The following ADAMTSL2 variants were observed in gnomAD, a reference collection of about 807,000 sequenced individuals.
The protein encoded by ADAMTSL2 is ADAMTS-like protein 2.
A neutral mutation model predicts 117.0 loss-of-function variants in ADAMTSL2; 55 were observed. That is an observed-to-expected ratio of 0.47 (90% CI 0.38 to 0.59). The LOEUF (loss-of-function observed/expected upper bound fraction) is 0.59, where lower values mean the gene tolerates loss of function less well. ADAMTSL2 is among the 20% of genes least tolerant of loss of function. The pLI is 0.00. For missense variants in ADAMTSL2, 1,182 were observed against 1,354.5 expected, an observed-to-expected ratio of 0.87 and a Z score of 2.00; for synonymous variants, 572 against 566.4, an observed-to-expected ratio of 1.01 and a Z score of -0.14.
At chr9:133,539,204 G>A (rs978527607) in intron 4 of ADAMTSL2, among the ~76,000 whole-genome samples, 2 of 152,192 alleles carry the variant, frequency 1.3e-5, no homozygotes, top group Non-Finnish European at 2.9e-5. Context: ...CCAGGGTTGG[G>A]GGAGGGGCAT....
At chr9:133,573,507 C>G (rs1831158120) in intron 17 of ADAMTSL2, among the ~76,000 whole-genome samples, 1 of 151,896 alleles carries the variant, frequency 6.6e-6, no homozygotes, top group Non-Finnish European at 1.5e-5. Flanking sequence ...AGAATCAGAT[C>G]CTCCTGACGG....
chr9:133,539,449 C>A (rs949920263), intron 4 of ADAMTSL2, among the ~76,000 whole-genome samples: 4 of 152,234 alleles, frequency 2.6e-5, no homozygotes, highest in African/African-American at 9.6e-5. Flanking sequence ...GAGGGGAGCA[C>A]CCTTGCCAGC....
intron 7 of ADAMTSL2, among the ~76,000 whole-genome samples, chr9:133,542,368 T>C (rs930827029): frequency 2.0e-5 from 3 of 152,158 alleles, no homozygotes. Flanking sequence ...CCTCCCTTCC[T>C]CTCACAAACC....
chr9:133,563,811 GAA>G (rs1361466912), intron 12 of ADAMTSL2, among the ~76,000 whole-genome samples: 3 of 131,664 alleles, frequency 2.3e-5, no homozygotes, highest in Non-Finnish European at 3.3e-5. Context: ...GAGAGAGAGA[GAA>G]AGGGGGAGAG....
intron 1 of ADAMTSL2, among the ~76,000 whole-genome samples, chr9:133,536,162 C>T (rs1296774407): frequency 6.6e-6 from 1 of 152,234 alleles, no homozygotes; most frequent in Non-Finnish European, 1.5e-5. Flanking sequence ...CCCCCGGGAC[C>T]TGGCCAAGCC....
At chr9:133,538,604 T>TCCAGTGTCCAGA (rs1830113026) in intron 4 of ADAMTSL2, among the ~76,000 whole-genome samples, 180 bp downstream of exon 4, 1 of 151,240 alleles carries the variant, frequency 6.6e-6, no homozygotes, top group Non-Finnish European at 1.5e-5. Context: ...TACGGAGCCA[T>TCCAGTGTCCAGA]CCACTGTCCA....
At chr9:133,552,491 C>T (rs986385349) in intron 9 of ADAMTSL2, among the ~76,000 whole-genome samples, 4 of 152,124 alleles carry the variant, frequency 2.6e-5, no homozygotes, top group South Asian at 2.1e-4. Context: ...TAATTGGGAG[C>T]GGGAGCGTAA....
intron 9 of ADAMTSL2, among the ~76,000 whole-genome samples, chr9:133,550,831 GC>G (rs1217123958): frequency 6.6e-6 from 1 of 152,176 alleles, no homozygotes; most frequent in Non-Finnish European, 1.5e-5. Context: ...CCTGTGACTA[GC>G]CTGTGTCCAG....
intron 7 of ADAMTSL2, among the ~76,000 whole-genome samples, chr9:133,544,269 G>A (rs1830295672): frequency 2.6e-5 from 4 of 152,154 alleles, no homozygotes; most frequent in Admixed American, 6.5e-5. Flanking sequence ...GTAGGAAGGG[G>A]TGAGCCTGGG....
chr9:133,550,327 C>T (rs868854103), intron 9 of ADAMTSL2, among the ~76,000 whole-genome samples: 1 of 152,212 alleles, frequency 6.6e-6, no homozygotes, highest in South Asian at 2.1e-4. Flanking sequence ...TCAGCTGGCA[C>T]TGTGGCTCCC....
Position 133,568,618 on chromosome 9 carries a change from G to A in ADAMTSL2, c.2104G>A (p.Gly702Arg), listed in dbSNP as rs921535511. ...SEWSECTAKC[G>R]ERSVVTRDIR... ...GCCGCCCCAGTGCACTGCCAAGTGT[G>A]GGGAGCGCAGTGTGGTGACCAGGGA... The change falls in exon 15 of 19, where the codon GGG becomes AGG. Residue 702 changes from glycine (G) to arginine (R), a missense_variant. Gly to Arg is a moderately radical substitution (Grantham distance 125). Around this residue, in one of 3 missense-constraint regions of ADAMTSL2, gnomAD observed 465 missense variants for 565.3 expected, o/e 0.82. Coordinates refer to ENST00000651351, the MANE Select transcript of ADAMTSL2 (RefSeq NM_014694.4). 11 of 1,608,774 alleles carry A rather than the reference G, an allele frequency of 6.8e-6. No individual in the cohort carries two copies. Among genetic ancestry groups the A allele is most frequent in the African/African-American group, 1.3e-5 (1 of 74,894 alleles).
In ADAMTSL2 at chr9:133,570,323, G is replaced by A; in HGVS notation, c.2416-8G>A. The A allele has an allele frequency of 1.3e-6, 2 of 1,541,702 alleles. No individual in the cohort carries two copies. Among genetic ancestry groups the A allele is most frequent in the East Asian group, 2.4e-5 (1 of 40,906 alleles). On this transcript the variant is annotated splice_polypyrimidine_tract_variant and splice_region_variant and intron_variant, in intron 16 of 18. Transcript: ENST00000651351. Reference sequence around the variant, plus strand: ...GGCGCTGACCCGCTCCCTCTGCCCCGGCCTCAGTGCAACACCACCTGCGGG... The same window carrying A: ...GGCGCTGACCCGCTCCCTCTGCCCCAGCCTCAGTGCAACACCACCTGCGGG...
At chr9:133,538,287 C>T (rs1830100904) in intron 3 of ADAMTSL2, 62 bp from the exon 4 acceptor site, 1 of 1,599,966 alleles carries the variant, frequency 6.3e-7, no homozygotes, top group Middle Eastern at 1.7e-4. Flanking sequence ...GTGGGGCCAG[C>T]CCAGGCGACA....
At chr9:133,534,550 C>T (rs368425229), upstream of ADAMTSL2, 15 of 896,466 alleles carry the variant, frequency 1.7e-5, no homozygotes, top group Admixed American at 2.6e-4. Flanking sequence ...CAACAGGCAG[C>T]TGGGCCGGCC....
rs752244934 is a variant in ADAMTSL2, at chr9:133,538,366, G to A, written c.251G>A (p.Gly84Asp). The A allele has an allele frequency of 3.1e-6, 5 of 1,613,378 alleles. No individual in the cohort carries two copies. Among genetic ancestry groups the A allele is most frequent in the Non-Finnish European group, 4.2e-6 (5 of 1,180,038 alleles). Residue 84 changes from glycine to aspartate, a missense_variant, in exon 4 of 19, where the codon GGC becomes GAC. By Grantham distance (94) the Gly-to-Asp change is moderately conservative. Coordinates refer to ENST00000651351, the MANE Select transcript of ADAMTSL2 (RefSeq NM_014694.4). Reference protein sequence around the residue: ...CLQQRRKSVPGPGNRTCTGTS... With the variant: ...CLQQRRKSVPDPGNRTCTGTS... ...TCTGCCAGGAGGAAGTCCGTCCCGG[G>A]CCCCGGGAACAGGACCTGCACGGGC...
Position 133,554,293 on chromosome 9 carries a change from G to A in ADAMTSL2, c.940-64G>A. ...CGCACCCTGCAGCTCTGTGGGAAGG[G>A]GATTGGTGGGGAAGGGGCTGGACAG... is the stretch of plus-strand genomic sequence containing the variant. On this transcript the variant is annotated intron_variant, in intron 9 of 18. Coordinates refer to ENST00000651351, the MANE Select transcript of ADAMTSL2 (RefSeq NM_014694.4). This position sits in a 1 kb window ranked among gnomAD's most constrained non-coding sequence, Gnocchi z 5.2. The A allele has an allele frequency of 1.4e-6, 2 of 1,411,822 alleles. No individual in the cohort carries two copies. The highest frequency in any genetic ancestry group is 1.4e-5 in the African/African-American group (1 of 70,388). 87.5% of individuals were successfully genotyped at this position (1,411,822 alleles called of 1,614,324 possible).
At chr9:133,567,658 C>G (rs990490857) in intron 13 of ADAMTSL2, among the ~76,000 whole-genome samples, 3 of 152,236 alleles carry the variant, frequency 2.0e-5, no homozygotes, top group Admixed American at 1.3e-4. Context: ...CTGGACTCCT[C>G]CATCTGGGGC....
chr9:133,546,849 G>A (rs571707341), intron 8 of ADAMTSL2, among the ~76,000 whole-genome samples, 189 bp from the exon 9 acceptor site: 2 of 152,304 alleles, frequency 1.3e-5, no homozygotes, highest in East Asian at 3.9e-4. Flanking sequence ...ATTTTAGGCT[G>A]AGAGGAACGT....
At chr9:133,544,353 G>A in intron 7 of ADAMTSL2, 117 bp from the exon 8 acceptor site, 1 of 885,790 alleles carries the variant, frequency 1.1e-6, no homozygotes. Flanking sequence ...GGGTGTGGGG[G>A]TTGGGCCAGC....
Sources: gnomAD v4.1 joint callset for allele counts (sites outside exome capture counted in the v4.1 genomes callset) on GRCh38, gnomAD v4.1.1 for gene constraint, gnomAD v4.1.1 regional missense constraint, Gnocchi (gnomAD v3.1) non-coding constraint, MANE v1.5 for transcripts, NCBI Gene and HGNC (gene_info 2026-07-23, HGNC 2026-07-21) for gene names.